The following NAV2 variants were observed in gnomAD, a reference collection of about 807,000 sequenced individuals.
NAV2 encodes the protein helicase, APC down-regulated 1.
In NAV2, 54 loss-of-function variants were observed where a neutral mutation model predicts 223.2. The observed-to-expected ratio is 0.24, with a 90% CI of 0.19 to 0.30. The LOEUF (loss-of-function observed/expected upper bound fraction) is 0.30, where lower values mean the gene tolerates loss of function less well. Ranked by LOEUF, NAV2 falls within the 10% of genes least tolerant of loss-of-function variation. NAV2 has a pLI of 1.00. For missense variants in NAV2, 2,806 were observed against 3,147.5 expected (o/e 0.89, Z 2.60); for synonymous variants, 1,279 against 1,239.3 (o/e 1.03, Z -0.67).
At chr11:19,869,133 C>T (rs1219759944) in intron 4 of NAV2, 136 bp downstream of exon 4, 2 of 797,092 alleles carry the variant, frequency 2.5e-6, no homozygotes, top group Non-Finnish European at 3.9e-6. Context: ...TTATGTTGCT[C>T]AGTGGTTGCC....
At chr11:19,818,345 T>A (rs902737108) in intron 1 of NAV2, among the ~76,000 whole-genome samples, 2 of 145,646 alleles carry the variant, frequency 1.4e-5, no homozygotes, top group African/African-American at 5.1e-5. Context: ...TACTTGCCAA[T>A]TACCATGGTG....
chr11:20,016,722 G>A (rs910810077), intron 11 of NAV2, among the ~76,000 whole-genome samples: 2 of 152,212 alleles, frequency 1.3e-5, no homozygotes, highest in South Asian at 4.1e-4. Flanking sequence ...AGGGCCAGGT[G>A]CAGTGACTCA....
intron 37 of NAV2, among the ~76,000 whole-genome samples, chr11:20,117,358 G>T (rs2063199615): frequency 1.3e-5 from 2 of 152,100 alleles, no homozygotes; most frequent in Admixed American, 1.3e-4. Context: ...TGCCAGGCCA[G>T]CCCCTTTTCT....
chr11:19,375,904 C>A (rs1029545900), intron 1 of NAV2, among the ~76,000 whole-genome samples: 2 of 152,108 alleles, frequency 1.3e-5, no homozygotes, highest in Non-Finnish European at 2.9e-5. Flanking sequence ...ACACAAATAT[C>A]ATTATAAATA....
intron 3 of NAV2, among the ~76,000 whole-genome samples, chr11:19,848,041 C>T (rs1159819387): frequency 6.6e-6 from 1 of 152,174 alleles, no homozygotes; most frequent in Admixed American, 6.5e-5. Flanking sequence ...ACCCCAGAGG[C>T]CAGCTCATGT....
At chr11:19,508,455 C>A (rs2043186310) in intron 1 of NAV2, among the ~76,000 whole-genome samples, 1 of 152,080 alleles carries the variant, frequency 6.6e-6, no homozygotes, top group Non-Finnish European at 1.5e-5. Context: ...TGGCAGGTAC[C>A]TTCTCTCCTC....
At chr11:19,654,358 C>T (rs2048055925) in intron 1 of NAV2, among the ~76,000 whole-genome samples, 1 of 152,178 alleles carries the variant, frequency 6.6e-6, no homozygotes, top group Admixed American at 6.5e-5. Flanking sequence ...ATCAAGCTAC[C>T]AATGACTTTC....
intron 1 of NAV2, among the ~76,000 whole-genome samples, chr11:19,380,100 C>A (rs749516638): frequency 6.6e-6 from 1 of 152,190 alleles, no homozygotes; most frequent in Non-Finnish European, 1.5e-5. Context: ...TCTTCATCCC[C>A]TTATTGTTGC....
chr11:20,065,966 T>G (rs937118283), intron 20 of NAV2, among the ~76,000 whole-genome samples: 6 of 152,196 alleles, frequency 3.9e-5, no homozygotes, highest in Non-Finnish European at 7.3e-5. Flanking sequence ...CTACTTTAGA[T>G]CCAGTCCCAA....
In NAV2 at chr11:20,118,267, C is replaced by G. The variant is rs190558797; in HGVS notation, c.*9C>G. ...TGGAGTCCACTCTGTGACAGGGGCC[C>G]GGAGCCCAGCGCCCTCCTCTTCTCC... On this transcript the variant is annotated 3_prime_UTR_variant, in exon 38 of 38. Transcript: ENST00000349880. 1.2e-6 allele frequency: 2 copies of G among 1,613,252 alleles called. No individual in the cohort carries two copies. Among genetic ancestry groups the G allele is most frequent in the African/African-American group, 1.3e-5 (1 of 74,858 alleles).
intron 1 of NAV2, among the ~76,000 whole-genome samples, chr11:19,561,819 G>A: frequency 6.6e-6 from 1 of 152,200 alleles, no homozygotes; most frequent in East Asian, 1.9e-4. Flanking sequence ...AGGCTCCACA[G>A]CCTGCAAGTC....
At chr11:19,628,216 C>T (rs1454136711) in intron 1 of NAV2, among the ~76,000 whole-genome samples, 2 of 152,268 alleles carry the variant, frequency 1.3e-5, no homozygotes, top group East Asian at 3.9e-4. Context: ...TGGACTTGTC[C>T]GGTGGGAGAG....
At chr11:19,356,090 C>T (rs1424398400) in intron 1 of NAV2, among the ~76,000 whole-genome samples, 1 of 152,184 alleles carries the variant, frequency 6.6e-6, no homozygotes, top group Non-Finnish European at 1.5e-5. Context: ...TCTGACAGGT[C>T]ACTGCCTGTA....
chr11:19,488,912 G>A (rs2042534450), intron 1 of NAV2, among the ~76,000 whole-genome samples: 1 of 152,198 alleles, frequency 6.6e-6, no homozygotes, highest in Non-Finnish European at 1.5e-5. Flanking sequence ...GGGTGACCCT[G>A]TCTGTCCTGC....
intron 1 of NAV2, among the ~76,000 whole-genome samples, chr11:19,806,978 C>T (rs898793206): frequency 2.6e-5 from 4 of 152,168 alleles, no homozygotes; most frequent in African/African-American, 4.8e-5. Context: ...CCTACTGACT[C>T]GCACACTTCA....
intron 7 of NAV2, among the ~76,000 whole-genome samples, chr11:19,935,361 A>C (rs1466440839): frequency 1.3e-5 from 2 of 152,248 alleles, no homozygotes; most frequent in Non-Finnish European, 2.9e-5. Context: ...ACAGCCATAC[A>C]TGTGGACACA....
At chr11:19,683,916 A>G (rs1377919150) in intron 1 of NAV2, among the ~76,000 whole-genome samples, 1 of 152,248 alleles carries the variant, frequency 6.6e-6, no homozygotes, top group Non-Finnish European at 1.5e-5. Context: ...ATTGTCTGCC[A>G]CAATTGTTTG....
At chr11:19,581,125 T>C (rs1396613476) in intron 1 of NAV2, among the ~76,000 whole-genome samples, 1 of 152,230 alleles carries the variant, frequency 6.6e-6, no homozygotes, top group Non-Finnish European at 1.5e-5. Context: ...GTTTGCTTTA[T>C]CTTGTCGATT....
Position 19,551,783 on chromosome 11 carries a change from G to A in NAV2, c.75+200756G>A, listed in dbSNP as rs995843096. ...TTCAGAATAGTGCATTTCACGTGTG[G>A]AGCATACCAACTTCCAGAATGGTTA... is the stretch of plus-strand genomic sequence containing the variant. On this transcript the variant is annotated intron_variant, in intron 1 of 37. Coordinates refer to the NAV2 transcript ENST00000360655. 2.0e-5 allele frequency among the ~76,000 whole-genome samples: 3 copies of A among 152,188 alleles called. No individual in the cohort carries two copies. In the South Asian group the frequency reaches 6.2e-4, roughly 32 times the overall value.
Sources: gnomAD v4.1 joint callset for allele counts (sites outside exome capture counted in the v4.1 genomes callset) on GRCh38, gnomAD v4.1.1 for gene constraint, MANE v1.5 for transcripts, NCBI Gene and HGNC (gene_info 2026-07-23, HGNC 2026-07-21) for gene names.